APBA1: variants seen among roughly 807,000 people sequenced by gnomAD.
APBA1 encodes the protein amyloid-beta A4 precursor protein-binding family A member 1.
In APBA1, 55 loss-of-function variants were observed where a neutral mutation model predicts 86.6. That is an observed-to-expected ratio of 0.64 (90% CI 0.51 to 0.80). APBA1 has a LOEUF of 0.80. Among genes scored for constraint, APBA1 ranks in the 30% least tolerant of loss-of-function variants. The pLI is 0.00. For synonymous variants in APBA1, 511 were observed against 493.9 expected (o/e 1.03, Z -0.46); for missense variants, 1,090 against 1,183.0 (o/e 0.92, Z 1.15).
At chr9:69,667,746 T>C (rs1823869123) in intron 1 of APBA1, among the ~76,000 whole-genome samples, 1 of 151,768 alleles carries the variant, frequency 6.6e-6, no homozygotes, top group South Asian at 2.1e-4. Flanking sequence ...TGATATATCA[T>C]ACTCTCTCTC....
intron 1 of APBA1, among the ~76,000 whole-genome samples, chr9:69,634,366 C>T (rs1347993548): frequency 1.3e-5 from 2 of 152,176 alleles, no homozygotes; most frequent in African/African-American, 4.8e-5. Flanking sequence ...AGGGGAATTG[C>T]CCATTCTGGT....
chr9:69,573,397 G>C (rs1004093428), intron 1 of APBA1, among the ~76,000 whole-genome samples: 4 of 152,154 alleles, frequency 2.6e-5, no homozygotes, highest in Non-Finnish European at 4.4e-5. Context: ...AGGAGTTCAA[G>C]GCTGCAATGA....
At chr9:69,515,234 C>T (rs1400181777) in intron 2 of APBA1, among the ~76,000 whole-genome samples, 3 of 152,176 alleles carry the variant, frequency 2.0e-5, no homozygotes, top group Non-Finnish European at 4.4e-5. Context: ...AGACCCTCCA[C>T]ATTCCCATTC....
intron 4 of APBA1, among the ~76,000 whole-genome samples, chr9:69,470,363 TG>T (rs1379302506): frequency 5.9e-5 from 9 of 152,184 alleles, no homozygotes; most frequent in African/African-American, 2.2e-4. Flanking sequence ...GCCTTCGGAT[TG>T]CTCTGTGGAT....
Position 69,658,222 on chromosome 9 carries a change from C to CTCTTTCTTTCTT in APBA1, c.-70+13919_-70+13930dup, listed in dbSNP as rs1212486587. ...ATGTTGTCCTACTCAAGTCCTTTCT[C>CTCTTTCTTTCTT]TCTTTCTTTCTTTCTTTCTTTCTTT... On this transcript the variant is annotated intron_variant, in intron 1 of 12. Coordinates refer to ENST00000265381, the MANE Select transcript of APBA1 (RefSeq NM_001163.4). Among the ~76,000 whole-genome samples, 14 of 104,214 alleles carry CTCTTTCTTTCTT rather than the reference C, an allele frequency of 1.3e-4. 1 individual carries two copies. The highest frequency in any genetic ancestry group is 2.0e-4 in the Admixed American group (2 of 10,040). The allele number at this position is 104,214 out of a possible 152,430, so 68.4% of individuals were successfully genotyped here.
intron 1 of APBA1, among the ~76,000 whole-genome samples, chr9:69,626,124 G>A (rs1015152935): frequency 6.6e-6 from 1 of 152,120 alleles, no homozygotes; most frequent in African/African-American, 2.4e-5. Flanking sequence ...AGAATCAGCT[G>A]CTAGATTCTA....
intron 1 of APBA1, among the ~76,000 whole-genome samples, chr9:69,648,653 C>T (rs1219123204): frequency 4.6e-5 from 7 of 152,170 alleles, no homozygotes; most frequent in Non-Finnish European, 1.0e-4. Flanking sequence ...AGATGCAGTT[C>T]AGGGATGGTC....
At chr9:69,656,726 C>G (rs1319991249) in intron 1 of APBA1, among the ~76,000 whole-genome samples, 1 of 152,124 alleles carries the variant, frequency 6.6e-6, no homozygotes, top group African/African-American at 2.4e-5. Context: ...CAAGTTACAT[C>G]GCAATTTAAA....
intron 1 of APBA1, among the ~76,000 whole-genome samples, chr9:69,572,058 G>C (rs1317858114): frequency 6.6e-6 from 1 of 152,156 alleles, no homozygotes; most frequent in Non-Finnish European, 1.5e-5. Flanking sequence ...AGATAGTGCT[G>C]CTAGTGTTAT....
chr9:69,459,452 C>T (rs1043605600), intron 5 of APBA1, among the ~76,000 whole-genome samples: 1 of 152,210 alleles, frequency 6.6e-6, no homozygotes. Context: ...CTTTATCTTA[C>T]AGCTATGTTA....
At chr9:69,533,163 G>C (rs775992350) in intron 1 of APBA1, among the ~76,000 whole-genome samples, 20 of 152,138 alleles carry the variant, frequency 1.3e-4, no homozygotes, top group Non-Finnish European at 2.4e-4. Flanking sequence ...AAATATTGCT[G>C]TGTATGTATG....
chr9:69,515,207 A>T (rs1159506555), intron 2 of APBA1, among the ~76,000 whole-genome samples: 1 of 152,152 alleles, frequency 6.6e-6, no homozygotes, highest in Non-Finnish European at 1.5e-5. Flanking sequence ...TTGTTTTCCT[A>T]TGACAAGGCC....
At chr9:69,614,441 T>A (rs568643210) in intron 1 of APBA1, among the ~76,000 whole-genome samples, 2 of 152,218 alleles carry the variant, frequency 1.3e-5, no homozygotes, top group Admixed American at 6.5e-5. Context: ...ATGTTATATA[T>A]ACAAATGTTA....
At chr9:69,499,585 C>A (rs12344522) in intron 2 of APBA1, among the ~76,000 whole-genome samples, 15,263 of 151,384 alleles carry the variant, frequency 0.1, 938 homozygotes, top group East Asian at 0.28. Context: ...ACAGCAAGGT[C>A]GACAGGATAA....
At chr9:69,503,212 C>T (rs1588325052) in intron 2 of APBA1, among the ~76,000 whole-genome samples, 1 of 152,066 alleles carries the variant, frequency 6.6e-6, no homozygotes, top group Non-Finnish European at 1.5e-5. Flanking sequence ...TGAGTCATCT[C>T]TAAAGGATTC....
At chr9:69,602,134 C>T (rs1300285591) in intron 1 of APBA1, among the ~76,000 whole-genome samples, 1 of 152,036 alleles carries the variant, frequency 6.6e-6, no homozygotes, top group African/African-American at 2.4e-5. Context: ...TCTCTTTTTG[C>T]AATTTAAAAA....
intron 1 of APBA1, among the ~76,000 whole-genome samples, chr9:69,607,786 G>T (rs1332415896): frequency 6.6e-6 from 1 of 152,212 alleles, no homozygotes; most frequent in Admixed American, 6.5e-5. Context: ...TCCAGAGTCA[G>T]ATTACTTGGG....
chr9:69,516,227 G>A lies in APBA1; in HGVS notation c.984C>T (p.Pro328=), dbSNP rs1243811222. 2 of 1,476,270 alleles carry A rather than the reference G, an allele frequency of 1.4e-6. No individual in the cohort carries two copies. Among genetic ancestry groups the A allele is most frequent in the Middle Eastern group, 1.8e-4 (1 of 5,496 alleles). 91.4% of individuals were successfully genotyped at this position (1,476,270 alleles called of 1,614,324 possible). A position where few individuals can be genotyped will look rare whatever the true frequency, so the allele number is the denominator to read the frequency against. Residue 328 remains proline (P), a synonymous_variant, in exon 2 of 13, where the codon CCC becomes CCT. Transcript: ENST00000265381. The surrounding 1 kb of genome is among the most constrained non-coding windows in gnomAD (Gnocchi z 7.3). The part of the protein sequence containing the change: ...APAGQQRAVG[P]AGGGEAGQRY... The stretch of plus-strand genomic sequence containing the variant: ...GCTGCCCCGCCTCGCCGCCGCCCGC[G>A]GGGCCCACCGCCCGCTGCTGCCCCG...
chr9:69,439,427 G>C (rs1395734952), intron 11 of APBA1, among the ~76,000 whole-genome samples: 1 of 152,078 alleles, frequency 6.6e-6, no homozygotes, highest in Non-Finnish European at 1.5e-5. Flanking sequence ...ATCAGACGTA[G>C]ATTTGGTCTT....
Sources: allele counts gnomAD v4.1 joint callset (sites outside exome capture counted in the v4.1 genomes callset), GRCh38; gene constraint gnomAD v4.1.1; non-coding constraint Gnocchi (gnomAD v3.1); transcripts MANE v1.5; gene names NCBI Gene and HGNC (gene_info 2026-07-23, HGNC 2026-07-21).